The following LDB2 variants were observed in gnomAD, a reference collection of about 807,000 sequenced individuals.
LDB2 encodes the protein LIM domain-binding protein 2.
A neutral mutation model predicts 44.3 loss-of-function variants in LDB2; 12 were observed. The ratio of observed to expected loss-of-function variants is 0.27; its 90% CI spans 0.17 to 0.44. The LOEUF is 0.44. LDB2 is among the 20% of genes least tolerant of loss of function. The probability of loss-of-function intolerance (pLI) is 1.00; values close to 1 mark genes in which losing one functional copy is unlikely to be tolerated. For missense variants in LDB2, 344 were observed against 473.5 expected (o/e 0.73, Z 2.54); for synonymous variants, 164 against 174.8 (o/e 0.94, Z 0.49).
At chr4:16,667,402 T>C (rs1743581887) in intron 2 of LDB2, among the ~76,000 whole-genome samples, 1 of 152,140 alleles carries the variant, frequency 6.6e-6, no homozygotes, top group South Asian at 2.1e-4. Flanking sequence ...CAATGTGCCA[T>C]TATCATTTTC....
At chr4:16,529,285 C>G (rs1407724523) in intron 5 of LDB2, among the ~76,000 whole-genome samples, 2 of 152,174 alleles carry the variant, frequency 1.3e-5, no homozygotes, top group Admixed American at 1.3e-4. Flanking sequence ...GAATGTATCT[C>G]TATCATCCTG....
chr4:16,697,957 G>A (rs1039751488), intron 2 of LDB2, among the ~76,000 whole-genome samples: 12 of 152,170 alleles, frequency 7.9e-5, no homozygotes, highest in Non-Finnish European at 1.8e-4. Context: ...GAACGTTGTA[G>A]GCATTGGATA....
chr4:16,693,042 G>A (rs1003981731), intron 2 of LDB2, among the ~76,000 whole-genome samples: 3 of 152,294 alleles, frequency 2.0e-5, no homozygotes, highest in Non-Finnish European at 2.9e-5. Flanking sequence ...ATCTGGACCA[G>A]GTCCCCTGTA....
intron 5 of LDB2, among the ~76,000 whole-genome samples, chr4:16,553,605 C>G (rs544677955): frequency 6.6e-6 from 1 of 152,242 alleles, no homozygotes; most frequent in Non-Finnish European, 1.5e-5. Context: ...CCCGTAGGTA[C>G]TAATGGAATT....
chr4:16,764,879 G>A (rs1346806395), intron 1 of LDB2, among the ~76,000 whole-genome samples: 1 of 152,168 alleles, frequency 6.6e-6, no homozygotes, highest in Admixed American at 6.5e-5. Context: ...GGATCCCATA[G>A]AGCAGCTCAC....
intron 1 of LDB2, among the ~76,000 whole-genome samples, chr4:16,814,233 G>A (rs1275458706): frequency 6.6e-6 from 1 of 152,132 alleles, no homozygotes; most frequent in Non-Finnish European, 1.5e-5. Flanking sequence ...TGCTTAGTGT[G>A]CACAGGCCAG....
intron 7 of LDB2, 43 bp downstream of exon 7, chr4:16,508,492 C>A: frequency 1.4e-6 from 2 of 1,457,032 alleles, no homozygotes; most frequent in South Asian, 1.5e-5. Context: ...GAGTAGGAAG[C>A]AGACAGTTAG....
intron 5 of LDB2, among the ~76,000 whole-genome samples, chr4:16,571,681 C>T (rs1324767418): frequency 6.6e-6 from 1 of 152,188 alleles, no homozygotes; most frequent in East Asian, 1.9e-4. Flanking sequence ...TTAACACCTC[C>T]CTCTCAAATG....
At chr4:16,659,135 G>A (rs543360286) in intron 2 of LDB2, among the ~76,000 whole-genome samples, 14 of 152,260 alleles carry the variant, frequency 9.2e-5, no homozygotes, top group African/African-American at 3.1e-4. Context: ...TTACATATAC[G>A]AAGGTTCTGC....
chr4:16,844,944 G>A (rs761194227), intron 1 of LDB2, among the ~76,000 whole-genome samples: 5 of 152,278 alleles, frequency 3.3e-5, no homozygotes, highest in Admixed American at 6.5e-5. Flanking sequence ...ATCATGTCAC[G>A]TCTCTGCTAA....
chr4:16,855,613 A>G (rs1789202905), intron 1 of LDB2, among the ~76,000 whole-genome samples: 1 of 152,136 alleles, frequency 6.6e-6, no homozygotes, highest in Non-Finnish European at 1.5e-5. Flanking sequence ...GACAATTCAC[A>G]GTATTTATTG....
chr4:16,836,718 T>A (rs1784937882), intron 1 of LDB2, among the ~76,000 whole-genome samples: 1 of 152,172 alleles, frequency 6.6e-6, no homozygotes, highest in African/African-American at 2.4e-5. Flanking sequence ...TAGTTACCAA[T>A]GCTGTGCACA....
At chr4:16,613,044 C>T (rs1726129801) in intron 2 of LDB2, among the ~76,000 whole-genome samples, 1 of 63,788 alleles carries the variant, frequency 1.6e-5, no homozygotes, top group Non-Finnish European at 3.8e-5. Context: ...AAGGCTGATT[C>T]AACATATGCA....
chr4:16,870,072 G>A (rs1716016917), intron 1 of LDB2, among the ~76,000 whole-genome samples: 1 of 152,174 alleles, frequency 6.6e-6, no homozygotes, highest in African/African-American at 2.4e-5. Context: ...TTTATTGGAA[G>A]AAGCAGCCAT....
chr4:16,857,543 C>T (rs1194118864), intron 1 of LDB2, among the ~76,000 whole-genome samples: 1 of 152,210 alleles, frequency 6.6e-6, no homozygotes, highest in African/African-American at 2.4e-5. Context: ...GCCTTCAAAG[C>T]CTGGCTTCCT....
At chr4:16,601,486 T>C (rs1027460222) in intron 2 of LDB2, among the ~76,000 whole-genome samples, 4 of 152,192 alleles carry the variant, frequency 2.6e-5, no homozygotes, top group Non-Finnish European at 5.9e-5. Context: ...ACTAACAATA[T>C]ATTAATGCCA....
intron 1 of LDB2, among the ~76,000 whole-genome samples, chr4:16,851,877 A>G (rs1253474833): frequency 6.6e-6 from 1 of 152,244 alleles, no homozygotes; most frequent in Non-Finnish European, 1.5e-5. Context: ...GAGTTTGAGC[A>G]CAATCTGAGA....
intron 5 of LDB2, chr4:16,581,260 G>A (rs1344764287): frequency 4.7e-6 from 1 of 210,622 alleles, no homozygotes; most frequent in Non-Finnish European, 8.2e-6. Context: ...GAGAGAGATG[G>A]CGTAGCCCAT....
chr4:16,673,254 T>C lies in LDB2; in HGVS notation c.236-77379A>G, dbSNP rs112145791. ...TGACTGCAACATCAGCCAGACATCT[T>C]ACCTTCGAGGGTTTCCAGGTCTCCA... On this transcript the variant is annotated intron_variant, in intron 2 of 7. Coordinates refer to ENST00000304523, the MANE Select transcript of LDB2 (RefSeq NM_001290.5). 1.4e-3 allele frequency among the ~76,000 whole-genome samples: 206 copies of C among 152,346 alleles called. 1 individual carries two copies. The highest frequency in any genetic ancestry group is 4.6e-3 in the African/African-American group (193 of 41,590).
Sources: gnomAD v4.1 joint callset for allele counts (sites outside exome capture counted in the v4.1 genomes callset) on GRCh38, gnomAD v4.1.1 for gene constraint, MANE v1.5 for transcripts, NCBI Gene and HGNC (gene_info 2026-07-23, HGNC 2026-07-21) for gene names.